CTNNA2: variants seen among roughly 807,000 people sequenced by gnomAD.
CTNNA2 encodes catenin alpha-2.
Under a neutral mutation model 101.0 loss-of-function variants are expected in CTNNA2, and 42 were observed. The observed-to-expected ratio is 0.42, with a 90% CI of 0.32 to 0.54. The LOEUF (loss-of-function observed/expected upper bound fraction) is 0.54, where lower values mean the gene tolerates loss of function less well. Ranked by LOEUF, CTNNA2 falls within the 20% of genes least tolerant of loss-of-function variation. CTNNA2 has a pLI of 0.14. For synonymous variants in CTNNA2, 450 were observed against 456.4 expected, an observed-to-expected ratio of 0.99 and a Z score of 0.18; for missense variants, 871 against 1,223.1, an observed-to-expected ratio of 0.71 and a Z score of 4.29.
intron 9 of CTNNA2, among the ~76,000 whole-genome samples, chr2:80,459,989 C>A (rs947234623): frequency 6.6e-6 from 1 of 152,084 alleles, no homozygotes; most frequent in Admixed American, 6.5e-5. Flanking sequence ...AAATAATTTC[C>A]TTTACCCAGC....
intron 2 of CTNNA2, among the ~76,000 whole-genome samples, chr2:79,682,410 C>CAAAAAAAA (rs10674928): frequency 6.8e-5 from 5 of 73,246 alleles, no homozygotes; most frequent in South Asian, 5.9e-4. Context: ...AACTCCATCT[C>CAAAAAAAA]AAAAAAAAAA....
At chr2:79,382,406 G>A (rs1678049609) in intron 4 of CTNNA2, among the ~76,000 whole-genome samples, 1 of 152,030 alleles carries the variant, frequency 6.6e-6, no homozygotes, top group African/African-American at 2.4e-5. Flanking sequence ...CTGGGTATGT[G>A]TGTGTATACA....
chr2:80,617,946 G>A (rs1698991313), intron 17 of CTNNA2, among the ~76,000 whole-genome samples: 4 of 151,608 alleles, frequency 2.6e-5, no homozygotes, highest in Admixed American at 2.6e-4. Flanking sequence ...ATTTTTTTCT[G>A]TGGAAAGAGA....
chr2:79,333,192 AAG>A (rs1676914966), intron 3 of CTNNA2, among the ~76,000 whole-genome samples: 1 of 151,732 alleles, frequency 6.6e-6, no homozygotes, highest in African/African-American at 2.4e-5. Context: ...AGACATATTC[AAG>A]CAACACCATC....
intron 1 of CTNNA2, among the ~76,000 whole-genome samples, chr2:79,640,733 A>G (rs1215324173): frequency 6.6e-6 from 1 of 152,242 alleles, no homozygotes; most frequent in Non-Finnish European, 1.5e-5. Flanking sequence ...ATATTTGGAT[A>G]TTTCATATGT....
At chr2:80,331,123 AAAG>A (rs1241615623) in intron 7 of CTNNA2, among the ~76,000 whole-genome samples, 3 of 151,944 alleles carry the variant, frequency 2.0e-5, no homozygotes, top group South Asian at 2.1e-4. Flanking sequence ...TGAATGGTGC[AAAG>A]AAGAAGTGCA....
chr2:79,777,976 C>T (rs920296688), intron 3 of CTNNA2, among the ~76,000 whole-genome samples: 3 of 149,744 alleles, frequency 2.0e-5, no homozygotes, highest in Admixed American at 1.3e-4. Flanking sequence ...AAACAAATGG[C>T]ATGTGATTGC....
intron 7 of CTNNA2, among the ~76,000 whole-genome samples, chr2:80,277,996 T>C (rs1573578847): frequency 6.6e-6 from 1 of 152,170 alleles, no homozygotes; most frequent in Non-Finnish European, 1.5e-5. Flanking sequence ...ATTGATTTTG[T>C]CTTTCTGGAT....
intron 1 of CTNNA2, among the ~76,000 whole-genome samples, chr2:79,573,145 TA>T (rs756723606): frequency 5.9e-5 from 9 of 152,176 alleles, no homozygotes; most frequent in Non-Finnish European, 1.3e-4. Context: ...AGAAGAATTT[TA>T]AAACAAAATT....
intron 3 of CTNNA2, among the ~76,000 whole-genome samples, chr2:79,794,253 A>G (rs1209999875): frequency 6.6e-6 from 1 of 152,356 alleles, no homozygotes; most frequent in Non-Finnish European, 1.5e-5. Context: ...ATGGTATTTC[A>G]TCATGGCTTT....
intron 11 of CTNNA2, among the ~76,000 whole-genome samples, chr2:80,548,352 A>G (rs1046488018): frequency 2.0e-5 from 3 of 152,082 alleles, no homozygotes; most frequent in Admixed American, 1.3e-4. Context: ...AGAACTTACA[A>G]CTTTTCCAAC....
intron 7 of CTNNA2, among the ~76,000 whole-genome samples, chr2:80,058,810 G>A (rs13427272): frequency 0.053 from 8,036 of 152,074 alleles, 288 homozygotes; most frequent in Non-Finnish European, 0.085. Flanking sequence ...ACTACACAAA[G>A]CCCAGTCATG....
intron 2 of CTNNA2, among the ~76,000 whole-genome samples, chr2:79,304,788 C>T (rs1243356503): frequency 2.0e-5 from 3 of 152,068 alleles, no homozygotes. Context: ...AGTTTTTGGT[C>T]ATAAGGGAGA....
chr2:80,557,891 G>T (rs955306092), intron 12 of CTNNA2, among the ~76,000 whole-genome samples: 4 of 152,032 alleles, frequency 2.6e-5, no homozygotes, highest in Admixed American at 6.6e-5. Context: ...CTGGATTGTT[G>T]TTGCTAATCA....
chr2:79,863,020 C>G (rs1043899850), intron 4 of CTNNA2, among the ~76,000 whole-genome samples: 15 of 152,172 alleles, frequency 9.9e-5, no homozygotes, highest in Non-Finnish European at 2.2e-4. Context: ...ACTCTGTTCT[C>G]TGTAGCCCCT....
At chr2:79,410,491 A>G (rs939719322) in intron 4 of CTNNA2, among the ~76,000 whole-genome samples, 82 of 152,214 alleles carry the variant, frequency 5.4e-4, no homozygotes, top group African/African-American at 1.9e-3. Flanking sequence ...TACCTAATTT[A>G]TTGAGAGTTT....
intron 3 of CTNNA2, among the ~76,000 whole-genome samples, chr2:79,796,572 G>GGACA (rs1675720432): frequency 6.6e-6 from 1 of 152,164 alleles, no homozygotes; most frequent in African/African-American, 2.4e-5. Flanking sequence ...ATTGCCTTAA[G>GGACA]GACACATGGA....
intron 7 of CTNNA2, among the ~76,000 whole-genome samples, chr2:80,383,010 A>AT (rs1676654430): frequency 6.6e-6 from 1 of 152,172 alleles, no homozygotes; most frequent in Non-Finnish European, 1.5e-5. Flanking sequence ...ATGAAATGGC[A>AT]TTTTTTAGCA....
chr2:79,738,287 C>G (rs1671040779), intron 2 of CTNNA2, among the ~76,000 whole-genome samples: 1 of 152,146 alleles, frequency 6.6e-6, no homozygotes, highest in Non-Finnish European at 1.5e-5. Flanking sequence ...TACCTGTGAC[C>G]TGCGGAATTT....
Sources: allele counts gnomAD v4.1 joint callset (sites outside exome capture counted in the v4.1 genomes callset), GRCh38; gene constraint gnomAD v4.1.1; transcripts MANE v1.5; gene names NCBI Gene and HGNC (gene_info 2026-07-23, HGNC 2026-07-21).